POLQ: variants seen among roughly 807,000 people sequenced by gnomAD.
The protein encoded by POLQ is DNA polymerase theta.
Under a neutral mutation model 259.2 loss-of-function variants are expected in POLQ, and 233 were observed. That is an observed-to-expected ratio of 0.90 (90% confidence interval 0.81 to 1.00). POLQ has a LOEUF of 1.00. Ranked by LOEUF, POLQ falls within the 50% of genes least tolerant of loss-of-function variation. POLQ has a pLI of 0.00. For synonymous variants in POLQ, 1,025 were observed against 1,048.8 expected (o/e 0.98, Z 0.44); for missense variants, 2,871 against 3,051.6 (o/e 0.94, Z 1.39).
chr3:121,460,622 T>C (rs926605941), intron 24 of POLQ, among the ~76,000 whole-genome samples: 1 of 152,164 alleles, frequency 6.6e-6, no homozygotes, highest in Non-Finnish European at 1.5e-5. Context: ...GCTTGCACAG[T>C]TGCTGATAGA....
rs1486846635 is a variant in POLQ, at chr3:121,498,509, C to T, written c.2121G>A (p.Glu707=). The part of the protein sequence containing the change: ...CVKGKVVART[E]RQHRQMAIHK... ...GGATGGCCATTTGTCGATGCTGTCTCTCAGTTCTGGCTACTACTTTTCCTT... is the reference window on the plus strand; with the variant it reads ...GGATGGCCATTTGTCGATGCTGTCTTTCAGTTCTGGCTACTACTTTTCCTT... The change falls in exon 13 of 30, where the codon GAG becomes GAA. Residue 707 remains glutamate, a synonymous_variant. Coordinates refer to ENST00000264233, the MANE Select transcript of POLQ (RefSeq NM_199420.4). The T allele has an allele frequency of 7.4e-6, 12 of 1,614,052 alleles. No homozygotes were observed. The highest frequency in any genetic ancestry group is 1.0e-5 in the Non-Finnish European group (12 of 1,180,000).
rs942431943 is a variant in POLQ, at chr3:121,496,004, A to G, written c.2278+804T>C. Among the ~76,000 whole-genome samples the G allele has an allele frequency of 2.0e-5, 3 of 151,894 alleles. No individual in the cohort carries two copies. In the East Asian group the frequency reaches 5.9e-4, roughly 30 times the overall value. ...TCTTGTAGCCCATAGTTTCCTTCTT[A>G]AGGGCTTGTAAGGATTCCTTAGTAA... On this transcript the variant is annotated intron_variant, in intron 14 of 29. Coordinates refer to ENST00000264233, the MANE Select transcript of POLQ (RefSeq NM_199420.4).
chr3:121,503,538 G>C (rs1002235339), intron 12 of POLQ, among the ~76,000 whole-genome samples: 1 of 152,094 alleles, frequency 6.6e-6, no homozygotes, highest in Non-Finnish European at 1.5e-5. Flanking sequence ...GGAAATAGAA[G>C]ACTAAAATAA....
At position 121,488,793 on chromosome 3, in the gene POLQ, G is replaced by T. The variant is rs1204227871; in HGVS notation, c.4138C>A (p.His1380Asn). 6.2e-7 allele frequency: 1 copy of T among 1,613,926 alleles called. No individual in the cohort carries two copies. The highest frequency in any genetic ancestry group is 8.5e-7 in the Non-Finnish European group (1 of 1,179,920). ...ECHIPFPAEQHPLGATKIDHL... is the reference protein window; with the variant it reads ...ECHIPFPAEQNPLGATKIDHL... ...TCTATCTTAGTCGCTCCTAGAGGGT[G>T]CTGTTCAGCAGGAAAAGGAATGTGA... The change falls in exon 16 of 30, where the codon CAC becomes AAC. Residue 1380 changes from histidine (H) to asparagine (N), a missense_variant. Coordinates refer to ENST00000264233, the MANE Select transcript of POLQ (RefSeq NM_199420.4).
chr3:121,543,789 G>A (rs1176461142), intron 2 of POLQ, among the ~76,000 whole-genome samples: 1 of 151,880 alleles, frequency 6.6e-6, no homozygotes, highest in Non-Finnish European at 1.5e-5. Context: ...TTCGAGACCA[G>A]CCTGACCAAG....
In POLQ at chr3:121,438,168, A is replaced by T. The variant is rs533327358; in HGVS notation, c.7389+1824T>A. On this transcript the variant is annotated intron_variant, in intron 27 of 29. Transcript: ENST00000264233. ...TTTGAACAAAAGCAAAAACCAAAAC[A>T]AAAACCAAAAAACAACCTGGCTGTG... Among the ~76,000 whole-genome samples, 4 of 152,318 alleles carry T rather than the reference A, an allele frequency of 2.6e-5. No homozygotes were observed. The East Asian group carries it at 7.7e-4, about 29-fold the overall frequency.
At position 121,519,927 on chromosome 3, in the gene POLQ, A is replaced by C. The variant is rs1330931639; in HGVS notation, c.1412T>G (p.Ile471Ser). ...TPIFGGRPLD[I>S]LTYKQMVGRA... is the part of the protein sequence containing the mutation. ...GCCAACCATCTGCTTATAAGTAAGAATATCTAGAGGTCGACCACCAAAAAT... is the reference window on the plus strand; with the variant it reads ...GCCAACCATCTGCTTATAAGTAAGACTATCTAGAGGTCGACCACCAAAAAT... Residue 471 changes from isoleucine to serine, a missense_variant, in exon 9 of 30, where the codon ATT (isoleucine) becomes AGT (serine). Transcript: ENST00000264233. The C allele has an allele frequency of 1.2e-6, 2 of 1,611,244 alleles. No individual in the cohort carries two copies. Among genetic ancestry groups the C allele is most frequent in the Non-Finnish European group, 8.5e-7 (1 of 1,177,640 alleles).
intron 20 of POLQ, among the ~76,000 whole-genome samples, chr3:121,474,954 G>A (rs1393381237): frequency 2.0e-5 from 3 of 152,140 alleles, no homozygotes; most frequent in Non-Finnish European, 4.4e-5. Context: ...ACAATGTGGT[G>A]TGATTAAATT....
chr3:121,485,169 T>C lies in POLQ; in HGVS notation c.5645A>G (p.Glu1882Gly), dbSNP rs372711163. 32 of 1,600,552 alleles carry C rather than the reference T, an allele frequency of 2.0e-5. No homozygotes were observed. In the African/African-American group the frequency reaches 2.5e-4, roughly 13 times the overall value. ...SRFKQASSPQ[E>G]IPIRDDGFPI... ...AAATCCATCATCTCTAATAGGAATT[T>C]CCTGAGGTGAGCTAGCTAAGTAAAA... Residue 1882 changes from glutamate (E) to glycine (G), a missense_variant, in exon 17 of 30, where the codon GAA (glutamate) becomes GGA (glycine). Around this residue, in one of 3 missense-constraint regions of POLQ, gnomAD observed 2,080 missense variants for 2,126.0 expected, o/e 0.98. Transcript: ENST00000264233.
At chr3:121,526,797 T>C (rs1407970726) in intron 7 of POLQ, among the ~76,000 whole-genome samples, 2 of 152,218 alleles carry the variant, frequency 1.3e-5, no homozygotes, top group East Asian at 1.9e-4. Context: ...AGTTGCCATA[T>C]GGACTTCATT....
At chr3:121,434,697 G>A (rs1341511319) in intron 28 of POLQ, among the ~76,000 whole-genome samples, 5 of 152,124 alleles carry the variant, frequency 3.3e-5, no homozygotes, top group African/African-American at 9.7e-5. Context: ...AAGTGAACAC[G>A]TTATAACTGG....
intron 18 of POLQ, 27 bp downstream of exon 18, chr3:121,483,359 A>G (rs1429717091): frequency 7.7e-7 from 1 of 1,304,112 alleles, no homozygotes; most frequent in East Asian, 2.5e-5. Flanking sequence ...TGTTTTAAGT[A>G]TATAAAAATT....
At chr3:121,530,965 G>A (rs1177700941) in intron 6 of POLQ, among the ~76,000 whole-genome samples, 6 of 152,122 alleles carry the variant, frequency 3.9e-5, no homozygotes, top group South Asian at 2.1e-4. Flanking sequence ...TTGGGAGGCC[G>A]AGGCCTGAGG....
Position 121,488,813 on chromosome 3 carries a change from ATG to A in POLQ, c.4116_4117del (p.Ile1373SerfsTer5). 1.2e-6 allele frequency: 2 copies of A among 1,613,864 alleles called. No individual in the cohort carries two copies. Among genetic ancestry groups the A allele is most frequent in the Non-Finnish European group, 1.7e-6 (2 of 1,179,850 alleles). On this transcript the variant is annotated frameshift_variant, in exon 16 of 30. Transcript: ENST00000264233. LOFTEE classifies it high-confidence loss of function. ...AGGGTGCTGTTCAGCAGGAAAAGGA[ATG>A]TGACACTCCTTCTGAAAAGAGTTCA... is the stretch of plus-strand genomic sequence containing the variant.
chr3:121,442,881 A>G (rs1026765736), intron 26 of POLQ, among the ~76,000 whole-genome samples: 1 of 151,220 alleles, frequency 6.6e-6, no homozygotes, highest in Non-Finnish European at 1.5e-5. Flanking sequence ...TGTTTTTGAG[A>G]TGGAGTCTCA....
rs1484666458 is a variant in POLQ at position 121,522,159 on chromosome 3, A to G, written c.1109-10T>C. ...GAGGGTTTCACCAATCCTGTCACAA[A>G]AAAATTATCAACACCATTTGCTTCT... On this transcript the variant is annotated splice_polypyrimidine_tract_variant and intron_variant, in intron 7 of 29. Transcript: ENST00000264233. 2 of 1,589,664 alleles carry G rather than the reference A, an allele frequency of 1.3e-6. No homozygotes were observed. Among genetic ancestry groups the G allele is most frequent in the Admixed American group, 1.9e-5 (1 of 53,208 alleles).
chr3:121,465,516 T>G (rs920958592), intron 24 of POLQ, among the ~76,000 whole-genome samples: 33 of 152,178 alleles, frequency 2.2e-4, no homozygotes, highest in African/African-American at 8.0e-4. Flanking sequence ...TCACAGATAT[T>G]GCAGGTTTTT....
In POLQ at chr3:121,488,765, T is replaced by A. The variant is rs763705383; in HGVS notation, c.4166A>T (p.His1389Leu). ...QHPLGATKID[H>L]LDLKTVGTMK... Reference sequence around the variant, plus strand: ...AGTACCTACAGTCTTAAGGTCCAAATGATCTATCTTAGTCGCTCCTAGAGG... The same window carrying A: ...AGTACCTACAGTCTTAAGGTCCAAAAGATCTATCTTAGTCGCTCCTAGAGG... Residue 1389 changes from histidine (H) to leucine (L), a missense_variant, in exon 16 of 30, where the codon CAT (histidine) becomes CTT (leucine). Physicochemically the swap from His to Leu is moderately conservative, Grantham distance 99 (BLOSUM62 -3). Coordinates refer to ENST00000264233, the MANE Select transcript of POLQ (RefSeq NM_199420.4). The A allele has an allele frequency of 6.2e-7, 1 of 1,613,908 alleles. No individual in the cohort carries two copies. Among genetic ancestry groups the A allele is most frequent in the Admixed American group, 1.7e-5 (1 of 60,020 alleles).
intron 24 of POLQ, among the ~76,000 whole-genome samples, chr3:121,462,944 A>G (rs73191802): frequency 0.036 from 5,499 of 152,372 alleles, 148 homozygotes; most frequent in Middle Eastern, 0.082. Flanking sequence ...AGATTCAACA[A>G]GGTGGCAACC....
Sources: gnomAD v4.1 joint callset for allele counts (sites outside exome capture counted in the v4.1 genomes callset) on GRCh38, gnomAD v4.1.1 for gene constraint, gnomAD v4.1.1 regional missense constraint, MANE v1.5 for transcripts, NCBI Gene and HGNC (gene_info 2026-07-23, HGNC 2026-07-21) for gene names.